Variants in TMEM132C observed in about 807,000 individuals in gnomAD.
The protein encoded by TMEM132C is transmembrane protein 132C.
Under a neutral mutation model 61.4 loss-of-function variants are expected in TMEM132C, and 29 were observed. That is an observed-to-expected ratio of 0.47 (90% CI 0.35 to 0.64). TMEM132C has a LOEUF of 0.64. Ranked by LOEUF, TMEM132C falls within the 30% of genes least tolerant of loss-of-function variation. The probability of loss-of-function intolerance (pLI) is 0.00; values close to 1 mark genes in which losing one functional copy is unlikely to be tolerated. For missense variants in TMEM132C, 1,408 were observed against 1,476.9 expected (o/e 0.95, Z 0.76); for synonymous variants, 656 against 633.1 (o/e 1.04, Z -0.54).
At chr12:128,386,645 A>G (rs534131739) in intron 1 of TMEM132C, among the ~76,000 whole-genome samples, 1 of 152,350 alleles carries the variant, frequency 6.6e-6, no homozygotes, top group South Asian at 2.1e-4. Context: ...TACACGTGTG[A>G]CAGGCGTTAA....
intron 3 of TMEM132C, among the ~76,000 whole-genome samples, chr12:128,585,251 G>C (rs1367847714): frequency 6.6e-6 from 1 of 152,234 alleles, no homozygotes; most frequent in African/African-American, 2.4e-5. Flanking sequence ...TCTGGATAGT[G>C]GTTTGGTGAT....
intron 8 of TMEM132C, among the ~76,000 whole-genome samples, chr12:128,701,439 AG>A (rs760767685): frequency 3.9e-5 from 6 of 152,190 alleles, no homozygotes; most frequent in Non-Finnish European, 7.3e-5. Flanking sequence ...CTTCACACAC[AG>A]CAGAATGTAT....
At position 128,316,155 on chromosome 12, in the gene TMEM132C, A is replaced by T. The variant is rs1382916636; in HGVS notation, c.85+48668A>T. On this transcript the variant is annotated intron_variant, in intron 1 of 8. Coordinates refer to ENST00000435159, the MANE Select transcript of TMEM132C (RefSeq NM_001136103.3). ...TTTGTTTTGGTTTCTTACATAGCGT[A>T]AGAAGGCACAGTCACCTGAGCATAT... Among the ~76,000 whole-genome samples, 6 of 152,186 alleles carry T rather than the reference A, an allele frequency of 3.9e-5. No homozygotes were observed. The East Asian group carries it at 9.7e-4, about 25-fold the overall frequency.
chr12:128,345,119 A>T (rs940899515), intron 1 of TMEM132C, among the ~76,000 whole-genome samples: 1 of 151,712 alleles, frequency 6.6e-6, no homozygotes, highest in Admixed American at 6.6e-5. Flanking sequence ...ATGTATTCTC[A>T]TGATTTAGCT....
intron 4 of TMEM132C, among the ~76,000 whole-genome samples, chr12:128,655,637 C>T (rs1954318722): frequency 6.6e-6 from 1 of 151,986 alleles, no homozygotes; most frequent in African/African-American, 2.4e-5. Flanking sequence ...TCTCTGCTTT[C>T]TCCTTCCTCT....
intron 2 of TMEM132C, among the ~76,000 whole-genome samples, chr12:128,485,602 C>T (rs1306239619): frequency 2.0e-5 from 3 of 151,878 alleles, no homozygotes; most frequent in African/African-American, 7.3e-5. Context: ...GTGCTACTGT[C>T]ATCTAGTAGG....
intron 2 of TMEM132C, among the ~76,000 whole-genome samples, chr12:128,473,454 G>A (rs868148150): frequency 8.3e-3 from 755 of 91,102 alleles, no homozygotes; most frequent in South Asian, 0.054. Flanking sequence ...TTATCCTCAC[G>A]CCAGCCTCTG....
intron 2 of TMEM132C, among the ~76,000 whole-genome samples, chr12:128,474,757 G>A (rs1447854216): frequency 6.6e-6 from 1 of 152,136 alleles, no homozygotes; most frequent in Non-Finnish European, 1.5e-5. Flanking sequence ...TTATGAATAT[G>A]TCTCTCCTTT....
chr12:128,487,034 C>T (rs986510142), intron 2 of TMEM132C, among the ~76,000 whole-genome samples: 10 of 152,138 alleles, frequency 6.6e-5, no homozygotes, highest in Non-Finnish European at 1.2e-4. Flanking sequence ...AACTTACTAG[C>T]TCAGCCCATT....
At chr12:128,285,787 C>A (rs1172441526) in intron 1 of TMEM132C, among the ~76,000 whole-genome samples, 1 of 108,912 alleles carries the variant, frequency 9.2e-6, no homozygotes, top group African/African-American at 4.7e-5. Flanking sequence ...CTCTCTCTCT[C>A]TCCCCATCTC....
At chr12:128,299,953 G>A (rs1871543940) in intron 1 of TMEM132C, among the ~76,000 whole-genome samples, 2 of 152,224 alleles carry the variant, frequency 1.3e-5, no homozygotes, top group African/African-American at 2.4e-5. Context: ...GGGGCAGGAT[G>A]CCCACATTTA....
chr12:128,402,264 A>G (rs754983913), intron 1 of TMEM132C, among the ~76,000 whole-genome samples: 1 of 152,072 alleles, frequency 6.6e-6, no homozygotes, highest in Non-Finnish European at 1.5e-5. Context: ...GTTCATGGGT[A>G]TATGTGAGGG....
chr12:128,384,350 G>T (rs986419714), intron 1 of TMEM132C, among the ~76,000 whole-genome samples: 3 of 152,186 alleles, frequency 2.0e-5, no homozygotes, highest in African/African-American at 7.2e-5. Flanking sequence ...CTCTGGAGGG[G>T]TGGCTCCTCC....
At chr12:128,512,977 G>A (rs967862353) in intron 2 of TMEM132C, among the ~76,000 whole-genome samples, 3 of 152,148 alleles carry the variant, frequency 2.0e-5, no homozygotes, top group African/African-American at 7.2e-5. Context: ...CAGCAACACC[G>A]CTGTCCGTGT....
chr12:128,378,619 G>T (rs896956400), intron 1 of TMEM132C, among the ~76,000 whole-genome samples: 2 of 152,112 alleles, frequency 1.3e-5, no homozygotes, highest in African/African-American at 2.4e-5. Flanking sequence ...CCTTGCTGGT[G>T]GAAGGAGCTG....
chr12:128,600,632 T>G (rs1235637623), intron 3 of TMEM132C, among the ~76,000 whole-genome samples: 1 of 152,150 alleles, frequency 6.6e-6, no homozygotes. Context: ...GCCCCAAGAC[T>G]TGCTGCCTTC....
intron 2 of TMEM132C, among the ~76,000 whole-genome samples, chr12:128,537,357 G>T (rs116179736): frequency 1.4e-3 from 215 of 152,280 alleles, no homozygotes; most frequent in African/African-American, 4.9e-3. Context: ...AGCCCTCAGG[G>T]AGAAAGCCTA....
chr12:128,289,259 C>G (rs1871177916), intron 1 of TMEM132C, among the ~76,000 whole-genome samples: 1 of 152,200 alleles, frequency 6.6e-6, no homozygotes, highest in African/African-American at 2.4e-5. Flanking sequence ...CATACATGCA[C>G]ACTTATACAC....
intron 2 of TMEM132C, among the ~76,000 whole-genome samples, chr12:128,489,814 G>A (rs1174415704): frequency 2.6e-5 from 4 of 151,998 alleles, no homozygotes; most frequent in Non-Finnish European, 5.9e-5. Flanking sequence ...TTTCATGAGC[G>A]TCCTTCTATT....
Sources: gnomAD v4.1 joint callset for allele counts (sites outside exome capture counted in the v4.1 genomes callset) on GRCh38, gnomAD v4.1.1 for gene constraint, MANE v1.5 for transcripts, NCBI Gene and HGNC (gene_info 2026-07-23, HGNC 2026-07-21) for gene names.